SEC14L2: variants seen among roughly 807,000 people sequenced by gnomAD.
SEC14L2 encodes the protein SEC14-like protein 2.
Under a neutral mutation model 56.9 loss-of-function variants are expected in SEC14L2, and 50 were observed. The ratio of observed to expected loss-of-function variants is 0.88; its 90% CI spans 0.70 to 1.11. The LOEUF is 1.11. SEC14L2 is among the 50% of genes most tolerant of loss of function. The pLI is 0.00. For synonymous variants in SEC14L2, 179 were observed against 188.5 expected (o/e 0.95, Z 0.41); for missense variants, 414 against 500.7 (o/e 0.83, Z 1.65).
At chr22:30,417,298 A>C (rs1934413033) in intron 11 of SEC14L2, among the ~76,000 whole-genome samples, 1 of 152,208 alleles carries the variant, frequency 6.6e-6, no homozygotes, top group Non-Finnish European at 1.5e-5. Context: ...TAGGATGTTT[A>C]TGGAGGGCTT....
intron 11 of SEC14L2, among the ~76,000 whole-genome samples, chr22:30,419,977 G>C (rs955946744): frequency 3.4e-5 from 5 of 147,796 alleles, no homozygotes; most frequent in Admixed American, 1.4e-4. Context: ...TTTTGAGACA[G>C]AGTTTTGCTC....
chr22:30,403,707 GAAGAT>G (rs1378171837), intron 2 of SEC14L2, among the ~76,000 whole-genome samples: 1 of 152,160 alleles, frequency 6.6e-6, no homozygotes, highest in Non-Finnish European at 1.5e-5. Flanking sequence ...TGTTCCCTAA[GAAGAT>G]AAGGGTTCTG....
At chr22:30,421,983 G>A (rs1439828646) in intron 11 of SEC14L2, among the ~76,000 whole-genome samples, 4 of 152,154 alleles carry the variant, frequency 2.6e-5, no homozygotes, top group East Asian at 3.8e-4. Context: ...TTTAAAAAGC[G>A]TTTCACATGA....
chr22:30,415,062 T>A (rs1934350381), intron 8 of SEC14L2, among the ~76,000 whole-genome samples: 1 of 152,164 alleles, frequency 6.6e-6, no homozygotes, highest in Non-Finnish European at 1.5e-5. Flanking sequence ...TTGTCCCCTC[T>A]CCTGCTGTAC....
chr22:30,410,474 G>A, intron 7 of SEC14L2, 122 bp from the exon 8 acceptor site: 1 of 904,650 alleles, frequency 1.1e-6, no homozygotes. Context: ...GTGGGCTCCA[G>A]AGCCCTGGGG....
intron 11 of SEC14L2, among the ~76,000 whole-genome samples, chr22:30,419,942 C>T (rs1256762613): frequency 3.5e-5 from 5 of 141,514 alleles, no homozygotes; most frequent in Admixed American, 6.9e-5. Flanking sequence ...GCCTTTTTTT[C>T]TTTTCTTTTC....
At position 30,404,025 on chromosome 22, in the gene SEC14L2, A is replaced by G. The variant is rs1209547144; in HGVS notation, c.131-2317A>G. Among the ~76,000 whole-genome samples the G allele has an allele frequency of 1.8e-4, 25 of 136,846 alleles. No homozygotes were observed. The South Asian group carries it at 2.9e-3, about 16-fold the overall frequency. The allele number at this position is 136,846 out of a possible 152,430, so 89.8% of individuals were successfully genotyped here. The stretch of plus-strand genomic sequence containing the variant: ...ACTCCGTCTCAAAAAAAAAAAAAAA[A>G]AAAAGAAAAAAAAAAAAAGAAGATA... On this transcript the variant is annotated intron_variant, in intron 2 of 11. Coordinates refer to ENST00000615189, the MANE Select transcript of SEC14L2 (RefSeq NM_012429.5).
chr22:30,417,185 C>A (rs1360090939), intron 11 of SEC14L2, among the ~76,000 whole-genome samples: 1 of 152,150 alleles, frequency 6.6e-6, no homozygotes, highest in East Asian at 1.9e-4. Flanking sequence ...GCATGAAACA[C>A]AGCATGTATG....
intron 3 of SEC14L2, 32 bp downstream of exon 3, chr22:30,406,417 T>C (rs766564929): frequency 6.2e-7 from 1 of 1,611,896 alleles, no homozygotes; most frequent in Non-Finnish European, 8.5e-7. Context: ...CTTCAGTTCC[T>C]CCCCATCAGA....
At chr22:30,407,924 T>C (rs777337226) in intron 5 of SEC14L2, among the ~76,000 whole-genome samples, 1 of 152,028 alleles carries the variant, frequency 6.6e-6, no homozygotes, top group Non-Finnish European at 1.5e-5. Flanking sequence ...TTTAGAATAT[T>C]CCCAAATATC....
intron 1 of SEC14L2, chr22:30,398,928 G>T: frequency 2.5e-6 from 1 of 407,946 alleles, no homozygotes; most frequent in South Asian, 1.8e-5. Context: ...ACTTCTACGG[G>T]TTGTGAGTGA....
At chr22:30,410,477 C>T in intron 7 of SEC14L2, 119 bp from the exon 8 acceptor site, 1 of 935,612 alleles carries the variant, frequency 1.1e-6, no homozygotes, top group Non-Finnish European at 1.7e-6. Context: ...GGCTCCAGAG[C>T]CCTGGGGAAC....
At chr22:30,405,056 G>A (rs928649131) in intron 2 of SEC14L2, among the ~76,000 whole-genome samples, 1 of 150,264 alleles carries the variant, frequency 6.7e-6, no homozygotes, top group Non-Finnish European at 1.5e-5. Flanking sequence ...GATGACAAGA[G>A]CGAAATTGTC....
chr22:30,399,904 G>A (rs962459975), intron 2 of SEC14L2, among the ~76,000 whole-genome samples, 186 bp downstream of exon 2: 2 of 152,252 alleles, frequency 1.3e-5, no homozygotes, highest in African/African-American at 4.8e-5. Flanking sequence ...GGCTCAGAGA[G>A]GTCAAGTGAC....
intron 1 of SEC14L2, chr22:30,398,788 G>C (rs1489698692): frequency 4.2e-6 from 2 of 471,022 alleles, no homozygotes; most frequent in East Asian, 6.9e-5. Flanking sequence ...ATGGTGGAAA[G>C]AGTGTGTGCT....
chr22:30,406,567 C>T (rs1934099612), intron 3 of SEC14L2, among the ~76,000 whole-genome samples, 182 bp downstream of exon 3: 1 of 152,140 alleles, frequency 6.6e-6, no homozygotes, highest in South Asian at 2.1e-4. Flanking sequence ...GCTTTCATAG[C>T]TCTGGGCCAG....
Position 30,422,553 on chromosome 22 carries a change from G to A in SEC14L2, c.*146G>A. The A allele has an allele frequency of 9.9e-7, 1 of 1,008,620 alleles. No homozygotes were observed. Among genetic ancestry groups the A allele is most frequent in the Non-Finnish European group, 1.4e-6 (1 of 702,756 alleles). The allele number at this position is 1,008,620 out of a possible 1,614,324, so 62.5% of individuals were successfully genotyped here. A position where few individuals can be genotyped will look rare whatever the true frequency, so the allele number is the denominator to read the frequency against. Reference sequence around the variant, plus strand: ...GGAGCTTTCATTTCAGTTAGGCAGAGGAAGAGCGACTGCAGTGGGTCTCCG... The same window carrying A: ...GGAGCTTTCATTTCAGTTAGGCAGAAGAAGAGCGACTGCAGTGGGTCTCCG... On this transcript the variant is annotated 3_prime_UTR_variant, in exon 12 of 12. Coordinates refer to ENST00000615189, the MANE Select transcript of SEC14L2 (RefSeq NM_012429.5).
chr22:30,420,377 ACT>A (rs1934485666), intron 11 of SEC14L2: 2 of 152,114 alleles, frequency 1.3e-5, no homozygotes, highest in African/African-American at 2.4e-5. Flanking sequence ...AACCATGCAG[ACT>A]CTGGAGCTGC....
chr22:30,397,788 T>C (rs1239980920), intron 1 of SEC14L2: 2 of 467,528 alleles, frequency 4.3e-6, no homozygotes, highest in African/African-American at 2.0e-5. Context: ...TAGTTTGAGC[T>C]GAGACCAGCC....
Sources: allele counts gnomAD v4.1 joint callset (sites outside exome capture counted in the v4.1 genomes callset), GRCh38; gene constraint gnomAD v4.1.1; transcripts MANE v1.5; gene names NCBI Gene and HGNC (gene_info 2026-07-23, HGNC 2026-07-21).